Variants in SYT9 observed in about 807,000 individuals in gnomAD.
SYT9 encodes synaptotagmin-9.
In SYT9, 22 loss-of-function variants were observed where a neutral mutation model predicts 48.4. The observed-to-expected ratio is 0.45, with a 90% CI of 0.32 to 0.65. The LOEUF (loss-of-function observed/expected upper bound fraction) is 0.65. Among genes scored for constraint, SYT9 ranks in the 30% least tolerant of loss-of-function variants. SYT9 has a pLI of 0.03. For synonymous variants in SYT9, 265 were observed against 245.0 expected (o/e 1.08, Z -0.76); for missense variants, 577 against 622.0 (o/e 0.93, Z 0.77).
intron 3 of SYT9, among the ~76,000 whole-genome samples, chr11:7,401,771 T>C (rs185570586): frequency 2.3e-3 from 353 of 151,954 alleles, no homozygotes; most frequent in Non-Finnish European, 3.6e-3. Context: ...TTTTCTCATT[T>C]TCTTTTCTGA....
intron 6 of SYT9, among the ~76,000 whole-genome samples, chr11:7,431,162 A>C (rs1847562805): frequency 6.6e-6 from 1 of 152,228 alleles, no homozygotes; most frequent in Non-Finnish European, 1.5e-5. Context: ...ATGAGACCTC[A>C]GATGGAAATG....
rs1462176220 is a variant in SYT9, at chr11:7,342,693, C to T, written c.1044+28752C>T. ...ATCTACCATTCTGGGGTCTCGAGGACAGTGACCCTCTTCTCACAGCTCCAG... is the reference window on the plus strand; with the variant it reads ...ATCTACCATTCTGGGGTCTCGAGGATAGTGACCCTCTTCTCACAGCTCCAG... On this transcript the variant is annotated intron_variant, in intron 3 of 6. Coordinates refer to ENST00000318881, the MANE Select transcript of SYT9 (RefSeq NM_175733.4). Among the ~76,000 whole-genome samples the T allele has an allele frequency of 2.6e-5, 4 of 152,296 alleles. No homozygotes were observed. The East Asian group carries it at 7.8e-4, about 30-fold the overall frequency.
At chr11:7,428,972 A>G (rs1315329771) in intron 6 of SYT9, among the ~76,000 whole-genome samples, 2 of 152,204 alleles carry the variant, frequency 1.3e-5, no homozygotes, top group African/African-American at 2.4e-5. Flanking sequence ...AGACAATAGA[A>G]TAGTACAGCC....
chr11:7,239,886 G>C (rs1422687737), intron 1 of SYT9, among the ~76,000 whole-genome samples: 1 of 152,154 alleles, frequency 6.6e-6, no homozygotes, highest in Admixed American at 6.5e-5. Context: ...TGAAGGTGAA[G>C]TTACACATTT....
chr11:7,316,192 A>T (rs1167314785), intron 3 of SYT9, among the ~76,000 whole-genome samples: 1 of 151,852 alleles, frequency 6.6e-6, no homozygotes, highest in Non-Finnish European at 1.5e-5. Context: ...AATTAAATGA[A>T]CAGGCCTGAA....
chr11:7,425,287 T>C (rs1847432985), intron 6 of SYT9, among the ~76,000 whole-genome samples: 2 of 152,202 alleles, frequency 1.3e-5, no homozygotes, highest in Admixed American at 1.3e-4. Context: ...GACAGGGAAA[T>C]TGTCTAAAAT....
Position 7,466,799 on chromosome 11 carries a change from G to T in SYT9, c.1475G>T (p.Ter492LeuextTer13). 1 of 1,612,708 alleles carries T rather than the reference G, an allele frequency of 6.2e-7. No individual in the cohort carries two copies. Among genetic ancestry groups the T allele is most frequent in the Admixed American group, 1.7e-5 (1 of 59,900 alleles). Residue 492 changes from the stop codon to leucine, a stop_lost, in exon 7 of 7, where the codon TGA becomes TTA. Transcript: ENST00000318881. ...AHWHSLVEKR[*>L] ...TGTTTTTTCTTCCTGCAGAAACGAT[G>T]ACCATGGGTAAGAGGACTGCTTGTG...
intron 1 of SYT9, among the ~76,000 whole-genome samples, chr11:7,268,542 G>C (rs1848234303): frequency 6.6e-6 from 1 of 151,938 alleles, no homozygotes; most frequent in African/African-American, 2.4e-5. Context: ...CTGATGTACT[G>C]TAACCTGGTA....
In SYT9 at chr11:7,252,249, C is replaced by T. The variant is rs774310284; in HGVS notation, c.63C>T (p.Ala21=). The stretch of plus-strand genomic sequence containing the variant: ...TGCAGCTGCTGGCCGAGCTCTGTGC[C>T]CGTGGGGCCCTGGAGCACGACAGCT... ...QALQLLAELC[A]RGALEHDSCQ... Residue 21 remains alanine (A), a synonymous_variant, in exon 1 of 7, where the codon GCC becomes GCT. Transcript: ENST00000318881. The surrounding 1 kb of genome is among the most constrained non-coding windows in gnomAD (Gnocchi z 6.3). 20 of 1,506,334 alleles carry T rather than the reference C, an allele frequency of 1.3e-5. 1 individual carries two copies. The South Asian group carries it at 2.3e-4, about 17-fold the overall frequency. 93.3% of individuals were successfully genotyped at this position (1,506,334 alleles called of 1,614,324 possible). A position where few individuals can be genotyped will look rare whatever the true frequency, so the allele number is the denominator to read the frequency against.
At chr11:7,341,663 G>A (rs539835903) in intron 3 of SYT9, among the ~76,000 whole-genome samples, 6 of 152,118 alleles carry the variant, frequency 3.9e-5, no homozygotes, top group South Asian at 2.1e-4. Context: ...CTAAGACAGC[G>A]GCCATGAGAC....
At chr11:7,255,186 C>T (rs1227812543) in intron 1 of SYT9, among the ~76,000 whole-genome samples, 1 of 152,168 alleles carries the variant, frequency 6.6e-6, no homozygotes, top group African/African-American at 2.4e-5. Context: ...GGGACATAAA[C>T]TTGCAGGCCT....
chr11:7,370,269 G>T (rs1589978250), intron 3 of SYT9, among the ~76,000 whole-genome samples: 1 of 152,094 alleles, frequency 6.6e-6, no homozygotes, highest in Non-Finnish European at 1.5e-5. Context: ...TTTCATAGTG[G>T]CATTGCTGAA....
At chr11:7,435,735 C>G (rs926897412) in intron 6 of SYT9, 1 of 152,212 alleles carries the variant, frequency 6.6e-6, no homozygotes, top group African/African-American at 2.4e-5. Flanking sequence ...AATCCCAGCA[C>G]TTTGGGAGGC....
chr11:7,255,540 T>G (rs891664845), intron 1 of SYT9, among the ~76,000 whole-genome samples: 19 of 152,150 alleles, frequency 1.2e-4, no homozygotes, highest in African/African-American at 4.6e-4. Context: ...GAGGTGATAG[T>G]GACTTCAACA....
chr11:7,272,478 T>C (rs1272452202), intron 1 of SYT9, among the ~76,000 whole-genome samples: 2 of 152,142 alleles, frequency 1.3e-5, no homozygotes, highest in African/African-American at 2.4e-5. Flanking sequence ...GACTTTTTAT[T>C]GGTGTTTTTT....
chr11:7,254,932 A>G (rs1589888620), intron 1 of SYT9, among the ~76,000 whole-genome samples: 1 of 152,114 alleles, frequency 6.6e-6, no homozygotes, highest in East Asian at 1.9e-4. Flanking sequence ...CCAGGTAGTT[A>G]TAGTGCCCTG....
At chr11:7,275,271 C>T (rs769354718) in intron 1 of SYT9, among the ~76,000 whole-genome samples, 3 of 152,112 alleles carry the variant, frequency 2.0e-5, no homozygotes, top group Non-Finnish European at 4.4e-5. Context: ...CCACACTGCT[C>T]ATAAAATAGA....
chr11:7,317,500 A>G (rs1345745871), intron 3 of SYT9, among the ~76,000 whole-genome samples: 3 of 152,046 alleles, frequency 2.0e-5, no homozygotes, highest in African/African-American at 7.2e-5. Flanking sequence ...CTCTGGTTCT[A>G]GTCTCTCTTC....
At chr11:7,242,641 A>G (rs2005304) in intron 1 of SYT9, among the ~76,000 whole-genome samples, 15,421 of 152,224 alleles carry the variant, frequency 0.1, 1,192 homozygotes, top group African/African-American at 0.21. Context: ...TTGTTTCCCA[A>G]TAAGAGCTTT....
Sources: allele counts gnomAD v4.1 joint callset (sites outside exome capture counted in the v4.1 genomes callset), GRCh38; gene constraint gnomAD v4.1.1; non-coding constraint Gnocchi (gnomAD v3.1); transcripts MANE v1.5; gene names NCBI Gene and HGNC (gene_info 2026-07-23, HGNC 2026-07-21).